The following CHST7 variants were observed in gnomAD, a reference collection of about 807,000 sequenced individuals.
CHST7 encodes carbohydrate sulfotransferase 7.
In CHST7, 5 loss-of-function variants were observed where a neutral mutation model predicts 9.0. The observed-to-expected ratio is 0.56, with a 90% confidence interval of 0.29 to 1.17. The LOEUF is 1.17. Among genes scored for constraint, CHST7 ranks in the 50% most tolerant of loss-of-function variants. The probability of loss-of-function intolerance (pLI) is 0.08; values close to 1 mark genes in which losing one functional copy is unlikely to be tolerated. For synonymous variants in CHST7, 244 were observed against 237.1 expected (o/e 1.03, Z -0.27); for missense variants, 377 against 485.1 (o/e 0.78, Z 2.09).
chrX:46,575,639 G>A (rs746827406), intron 1 of CHST7, among the ~76,000 whole-genome samples: 1 of 112,534 alleles, frequency 8.9e-6, no homozygotes, highest in South Asian at 3.7e-4. Context: ...ATCCTGAGAT[G>A]AGAGAGGATA....
intron 1 of CHST7, among the ~76,000 whole-genome samples, chrX:46,591,351 G>C (rs1843071378): frequency 8.9e-6 from 1 of 111,907 alleles, no homozygotes; most frequent in African/African-American, 3.2e-5. Context: ...ACAGTATTTG[G>C]TATTGTCACT....
chrX:46,585,069 G>A (rs1403537663), intron 1 of CHST7, among the ~76,000 whole-genome samples: 2 of 110,071 alleles, frequency 1.8e-5, no homozygotes, highest in Non-Finnish European at 3.8e-5. Flanking sequence ...ACCAACTGGC[G>A]ACCAGCCAAG....
chrX:46,583,560 T>C (rs2061711547), intron 1 of CHST7, among the ~76,000 whole-genome samples: 1 of 112,371 alleles, frequency 8.9e-6, no homozygotes, highest in Admixed American at 9.4e-5. Context: ...ATGCTGAGAA[T>C]AAATTAGAGC....
At position 46,578,913 on chromosome X, in the gene CHST7, T is replaced by A. The variant is rs564700953; in HGVS notation, c.*31+3490T>A. ...TGAACATTACATTTACATGAGGAGC[T>A]TTTTTATTTATTTTTTTAATGCCAA... On this transcript the variant is annotated intron_variant, in intron 1 of 1. Coordinates refer to ENST00000276055, the MANE Select transcript of CHST7 (RefSeq NM_019886.4). Among the ~76,000 whole-genome samples the A allele has an allele frequency of 8.1e-4, 90 of 110,945 alleles. No individual in the cohort carries two copies. In the South Asian group the frequency reaches 0.034, roughly 42 times the overall value.
At chrX:46,581,629 C>T (rs185340743) in intron 1 of CHST7, among the ~76,000 whole-genome samples, 7 of 109,745 alleles carry the variant, frequency 6.4e-5, no homozygotes, top group African/African-American at 2.0e-4. Context: ...GAGTTTCGCT[C>T]TTGTTGCCCA....
intron 1 of CHST7, among the ~76,000 whole-genome samples, chrX:46,586,094 G>A (rs1003278435): frequency 1.8e-5 from 2 of 111,538 alleles, no homozygotes; most frequent in Non-Finnish European, 3.8e-5. Context: ...CTGAGCTCAG[G>A]AAAAACCCAT....
chrX:46,598,080 T>C lies in CHST7; in HGVS notation c.*352T>C, dbSNP rs1304231847. Reference sequence around the variant, plus strand: ...TCCTCACAACAAAGAAGAGATGTGATTTGGTACCATTTCACACCAGCAGGT... The same window carrying C: ...TCCTCACAACAAAGAAGAGATGTGACTTGGTACCATTTCACACCAGCAGGT... On this transcript the variant is annotated 3_prime_UTR_variant, in exon 2 of 2. Transcript: ENST00000276055. 8.9e-6 allele frequency: 1 copy of C among 112,446 alleles called. No homozygotes were observed. 9.3% of individuals were successfully genotyped at this position (112,446 alleles called of 1,213,427 possible).
Position 46,574,296 on chromosome X carries a change from A to AC in CHST7, c.367dup (p.Gln123ProfsTer10). ...TCGTCCTTCCTGGGCGAACTCTTTA[A>AC]CCAGCACCCGGACGTTTTCTACTTG... On this transcript the variant is annotated frameshift_variant, in exon 1 of 2. Transcript: ENST00000276055. LOFTEE classifies it high-confidence loss of function. 1 of 1,210,816 alleles carries AC rather than the reference A, an allele frequency of 8.3e-7. No homozygotes were observed. Among genetic ancestry groups the AC allele is most frequent in the Non-Finnish European group, 1.1e-6 (1 of 894,926 alleles).
At chrX:46,579,744 G>C (rs1167316961) in intron 1 of CHST7, among the ~76,000 whole-genome samples, 1 of 111,790 alleles carries the variant, frequency 8.9e-6, no homozygotes, top group Non-Finnish European at 1.9e-5. Flanking sequence ...CAGCACTTTG[G>C]GAGGCTGAGG....
intron 1 of CHST7, among the ~76,000 whole-genome samples, chrX:46,581,695 A>T (rs1293390933): frequency 1.8e-5 from 2 of 110,050 alleles, no homozygotes; most frequent in Non-Finnish European, 3.8e-5. Context: ...ATCTGGGTTC[A>T]AGCAATTCTC....
chrX:46,584,836 A>C (rs1039623730), intron 1 of CHST7, among the ~76,000 whole-genome samples: 2 of 111,465 alleles, frequency 1.8e-5, no homozygotes, highest in Non-Finnish European at 3.8e-5. Context: ...TGAAGTGAGG[A>C]AAGCTATGAG....
rs911213035 is a variant in CHST7 at position 46,575,120 on chromosome X, G to C, written c.1189G>C (p.Ala397Pro). 7 of 1,098,766 alleles carry C rather than the reference G, an allele frequency of 6.4e-6. No individual in the cohort carries two copies. In the African/African-American group the frequency reaches 1.3e-4, roughly 21 times the overall value. 90.6% of individuals were successfully genotyped at this position (1,098,766 alleles called of 1,213,427 possible). A position where few individuals can be genotyped will look rare whatever the true frequency, so the allele number is the denominator to read the frequency against. The change falls in exon 1 of 2, where the codon GCG (alanine) becomes CCG (proline). Residue 397 changes from alanine (A) to proline (P), a missense_variant. Coordinates refer to ENST00000276055, the MANE Select transcript of CHST7 (RefSeq NM_019886.4). ...RRLLRFSGLR[A>P]LAALDAFALN... ...CCTGCTGCGCTTCTCCGGGCTACGCGCGCTCGCAGCGCTCGATGCCTTCGC... is the reference window on the plus strand; with the variant it reads ...CCTGCTGCGCTTCTCCGGGCTACGCCCGCTCGCAGCGCTCGATGCCTTCGC...
At position 46,576,235 on chromosome X, in the gene CHST7, G is replaced by A. The variant is rs764582229; in HGVS notation, c.*31+812G>A. On this transcript the variant is annotated intron_variant, in intron 1 of 1. Coordinates refer to ENST00000276055, the MANE Select transcript of CHST7 (RefSeq NM_019886.4). ...CTTCCCCCTTCTCCCTGTAGCTGGC[G>A]TTTGCAGGATATTTGACCATATCCC... 1.9e-4 allele frequency among the ~76,000 whole-genome samples: 19 copies of A among 102,603 alleles called. No individual in the cohort carries two copies. In the South Asian group the frequency reaches 2.8e-3, roughly 15 times the overall value. 89.1% of individuals were successfully genotyped at this position (102,603 alleles called of 115,157 possible). A position where few individuals can be genotyped will look rare whatever the true frequency, so the allele number is the denominator to read the frequency against.
intron 1 of CHST7, among the ~76,000 whole-genome samples, chrX:46,584,259 C>T (rs1474173756): frequency 3.6e-5 from 4 of 110,927 alleles, no homozygotes; most frequent in East Asian, 2.8e-4. Context: ...GTGCCTTGGC[C>T]GGGTGCGGTG....
chrX:46,591,478 G>A (rs1055292812), intron 1 of CHST7, among the ~76,000 whole-genome samples: 4 of 110,842 alleles, frequency 3.6e-5, no homozygotes, highest in East Asian at 2.8e-4. Flanking sequence ...GGGTTCAAGC[G>A]ATTCTCCTGC....
At chrX:46,587,614 A>G (rs1942555488) in intron 1 of CHST7, among the ~76,000 whole-genome samples, 1 of 111,916 alleles carries the variant, frequency 8.9e-6, no homozygotes, top group Non-Finnish European at 1.9e-5. Context: ...GTTTCCTATT[A>G]CATTTTGCTT....
chrX:46,574,146 G>A lies in CHST7; in HGVS notation c.215G>A (p.Arg72Gln). Residue 72 changes from arginine (R) to glutamine (Q), a missense_variant, in exon 1 of 2, where the codon CGG (arginine) becomes CAG (glutamine). By Grantham distance (43) the Arg-to-Gln change is conservative (BLOSUM62 1). Coordinates refer to ENST00000276055, the MANE Select transcript of CHST7 (RefSeq NM_019886.4). ...GAACGCGAGCAGGGAGCGGAGGCGC[G>A]GGCCGCCGAGGAAGGGGGCGCGAAC... ...AGEREQGAEARAAEEGGANQS... is the reference protein window; with the variant it reads ...AGEREQGAEAQAAEEGGANQS... 25 of 1,166,709 alleles carry A rather than the reference G, an allele frequency of 2.1e-5. No individual in the cohort carries two copies. Among genetic ancestry groups the A allele is most frequent in the Non-Finnish European group, 2.8e-5 (24 of 872,639 alleles).
chrX:46,597,108 T>G lies in CHST7; in HGVS notation c.*32-652T>G, dbSNP rs1205383628. On this transcript the variant is annotated intron_variant, in intron 1 of 1. Coordinates refer to ENST00000276055, the MANE Select transcript of CHST7 (RefSeq NM_019886.4). ...CTATTAAGCTGATGGACAGTTTCAC[T>G]CCATTAGAAAATGTCAAATTTGGTA... Among the ~76,000 whole-genome samples, 3 of 111,627 alleles carry G rather than the reference T, an allele frequency of 2.7e-5. No individual in the cohort carries two copies. The Admixed American group carries it at 2.9e-4, about 11-fold the overall frequency.
At chrX:46,590,007 A>G (rs1202609279) in intron 1 of CHST7, among the ~76,000 whole-genome samples, 1 of 112,141 alleles carries the variant, frequency 8.9e-6, no homozygotes, top group Non-Finnish European at 1.9e-5. Flanking sequence ...ACCTGCATGA[A>G]AAGCAGCCTT....
Sources: gnomAD v4.1 joint callset for allele counts (sites outside exome capture counted in the v4.1 genomes callset) on GRCh38, gnomAD v4.1.1 for gene constraint, MANE v1.5 for transcripts, NCBI Gene and HGNC (gene_info 2026-07-23, HGNC 2026-07-21) for gene names.